The following COA7 variants were observed in gnomAD, a reference collection of about 807,000 sequenced individuals.
COA7 encodes the protein cytochrome c oxidase assembly factor 7.
COA7 carries 12 observed loss-of-function variants against 21.0 expected under a neutral mutation model. The observed-to-expected ratio is 0.57, with a 90% CI of 0.37 to 0.92. COA7 has a LOEUF of 0.92. Among genes scored for constraint, COA7 ranks in the 40% least tolerant of loss-of-function variants. The pLI is 0.01. For missense variants in COA7, 240 were observed against 286.1 expected, an observed-to-expected ratio of 0.84 and a Z score of 1.16; for synonymous variants, 95 against 107.4, an observed-to-expected ratio of 0.88 and a Z score of 0.72.
chr1:52,693,062 G>A (rs1644059479), intron 1 of COA7, among the ~76,000 whole-genome samples, 195 bp from the exon 2 acceptor site: 1 of 152,096 alleles, frequency 6.6e-6, no homozygotes, highest in African/African-American at 2.4e-5. Context: ...AAATGGCATT[G>A]TCTCCCCACA....
Position 52,688,163 on chromosome 1 carries a change from G to A in COA7, c.253C>T (p.Leu85=), listed in dbSNP as rs1326322070. ...GAYYVTGKGG[L]TQDLKAAARC... ...GCGGCAGCTTTCAGGTCCTGGGTCA[G>A]ACCACCTGAGAGGAAGGAAAGTAGG... Residue 85 remains leucine (L), a synonymous_variant, in exon 3 of 3, where the codon CTG becomes TTG. Coordinates refer to ENST00000371538, the MANE Select transcript of COA7 (RefSeq NM_023077.3). 3 of 1,608,498 alleles carry A rather than the reference G, an allele frequency of 1.9e-6. No homozygotes were observed. The highest frequency in any genetic ancestry group is 2.2e-5 in the East Asian group (1 of 44,852).
At chr1:52,693,115 C>A (rs1644059872) in intron 1 of COA7, among the ~76,000 whole-genome samples, 1 of 152,198 alleles carries the variant, frequency 6.6e-6, no homozygotes. Flanking sequence ...ACCTCAGCCC[C>A]TGCATTGGCT....
chr1:52,698,107 C>G (rs1056248621), intron 1 of COA7, 114 bp downstream of exon 1: 169 of 780,174 alleles, frequency 2.2e-4, no homozygotes, highest in Non-Finnish European at 3.4e-4. Context: ...ATCCACAGAC[C>G]CCGTCCCCCG....
At chr1:52,697,238 G>T (rs1030730395) in intron 1 of COA7, among the ~76,000 whole-genome samples, 2 of 152,118 alleles carry the variant, frequency 1.3e-5, no homozygotes, top group Non-Finnish European at 2.9e-5. Context: ...TCTCAAAAAA[G>T]AAAGAAAATA....
intron 1 of COA7, 29 bp downstream of exon 1, chr1:52,698,192 C>A: frequency 6.6e-7 from 1 of 1,509,472 alleles, no homozygotes; most frequent in South Asian, 1.1e-5. Context: ...CTCCCCGACG[C>A]GTCGCCGGGC....
At chr1:52,688,202 A>C in intron 2 of COA7, 34 bp from the exon 3 acceptor site, 1 of 1,555,778 alleles carries the variant, frequency 6.4e-7, no homozygotes, top group Non-Finnish European at 8.7e-7. Flanking sequence ...AAATAAACCC[A>C]AGCCAGGGCA....
At chr1:52,692,636 G>A (rs555336446) in intron 2 of COA7, 91 bp downstream of exon 2, 48 of 1,467,834 alleles carry the variant, frequency 3.3e-5, no homozygotes, top group African/African-American at 3.1e-4. Context: ...CAATGCCTGC[G>A]AGACCCTTCT....
intron 1 of COA7, among the ~76,000 whole-genome samples, chr1:52,695,063 G>C (rs887443987): frequency 1.3e-5 from 2 of 152,152 alleles, no homozygotes; most frequent in African/African-American, 4.8e-5. Flanking sequence ...GGAGGCCAAG[G>C]CGGGTAGATC....
At chr1:52,693,551 G>A (rs385111) in intron 1 of COA7, among the ~76,000 whole-genome samples, 58,400 of 149,824 alleles carry the variant, frequency 0.39, 11,884 homozygotes, top group African/African-American at 0.49. Flanking sequence ...GGTTGCGGCG[G>A]GCCGAGATCA....
chr1:52,693,686 C>G (rs1000003548), intron 1 of COA7, among the ~76,000 whole-genome samples: 1 of 151,316 alleles, frequency 6.6e-6, no homozygotes, highest in African/African-American at 2.4e-5. Flanking sequence ...AGGGTAGGAA[C>G]ATGAAAGCCA....
chr1:52,692,130 G>A (rs543369718), intron 2 of COA7, among the ~76,000 whole-genome samples: 1 of 152,220 alleles, frequency 6.6e-6, no homozygotes, highest in Non-Finnish European at 1.5e-5. Flanking sequence ...TCCAACTTCA[G>A]TCAAGCCTTC....
At chr1:52,695,936 G>A (rs1644080938) in intron 1 of COA7, among the ~76,000 whole-genome samples, 1 of 152,066 alleles carries the variant, frequency 6.6e-6, no homozygotes, top group Non-Finnish European at 1.5e-5. Flanking sequence ...TCCTTACCCT[G>A]GCATTCAAGC....
chr1:52,691,423 A>C (rs1644045679), intron 2 of COA7, among the ~76,000 whole-genome samples: 1 of 151,692 alleles, frequency 6.6e-6, no homozygotes, highest in Non-Finnish European at 1.5e-5. Flanking sequence ...CAAAAAAAAA[A>C]AAAAGCTGCC....
At chr1:52,688,401 T>C (rs1335978951) in intron 2 of COA7, among the ~76,000 whole-genome samples, 3 of 152,040 alleles carry the variant, frequency 2.0e-5, no homozygotes, top group Non-Finnish European at 4.4e-5. Context: ...CACCAACCAC[T>C]ATGCCTGGCT....
intron 1 of COA7, among the ~76,000 whole-genome samples, chr1:52,694,568 T>C (rs1193861266): frequency 6.6e-6 from 1 of 151,564 alleles, no homozygotes; most frequent in Non-Finnish European, 1.5e-5. Context: ...ACATAAATGC[T>C]ATGACTGAAG....
chr1:52,687,573 G>A lies in COA7; in HGVS notation c.*147C>T. On this transcript the variant is annotated 3_prime_UTR_variant, in exon 3 of 3. Coordinates refer to ENST00000371538, the MANE Select transcript of COA7 (RefSeq NM_023077.3). Reference sequence around the variant, plus strand: ...TGTAGGCTATACTCCAGTAGCTGGGGCAATGGATCCATGTAAATGGAGCTA... The same window carrying A: ...TGTAGGCTATACTCCAGTAGCTGGGACAATGGATCCATGTAAATGGAGCTA... The A allele has an allele frequency of 1.5e-6, 1 of 665,428 alleles. No homozygotes were observed. The allele number at this position is 665,428 out of a possible 1,614,324, so 41.2% of individuals were successfully genotyped here.
In COA7 at chr1:52,692,748, C is replaced by A; in HGVS notation, c.226G>T (p.Ala76Ser). The stretch of plus-strand genomic sequence containing the variant: ...TTACCTTTTCCAGTCACATAGTAGG[C>A]CCCCAGTTTGTAGCAGCTATCACTG... Reference protein sequence around the residue: ...QHSDSCYKLGAYYVTGKGGLT... With the variant: ...QHSDSCYKLGSYYVTGKGGLT... The change falls in exon 2 of 3, where the codon GCC (alanine) becomes TCC (serine). Residue 76 changes from alanine to serine, a missense_variant. Transcript: ENST00000371538. 6.2e-7 allele frequency: 1 copy of A among 1,614,148 alleles called. No individual in the cohort carries two copies. Among genetic ancestry groups the A allele is most frequent in the Non-Finnish European group, 8.5e-7 (1 of 1,180,012 alleles).
chr1:52,697,961 G>A, intron 1 of COA7: 1 of 461,084 alleles, frequency 2.2e-6, no homozygotes, highest in Non-Finnish European at 3.9e-6. Context: ...CACGAGGGCA[G>A]GGAGTTTCAT....
Position 52,696,451 on chromosome 1 carries a change from C to T in COA7, c.106+1770G>A, listed in dbSNP as rs146942797. Among the ~76,000 whole-genome samples, 738 of 152,128 alleles carry T rather than the reference C, an allele frequency of 4.9e-3. 5 individuals are homozygous for T. The highest frequency in any genetic ancestry group is 0.017 in the African/African-American group (708 of 41,514). On this transcript the variant is annotated intron_variant, in intron 1 of 2. Transcript: ENST00000371538. ...CCTCCCAAAGTGCTGGGATTACAGG[C>T]GTGAGCCACTGTGCCCGGCCCAACC...
Sources: gnomAD v4.1 joint callset for allele counts (sites outside exome capture counted in the v4.1 genomes callset) on GRCh38, gnomAD v4.1.1 for gene constraint, MANE v1.5 for transcripts, NCBI Gene and HGNC (gene_info 2026-07-23, HGNC 2026-07-21) for gene names.